The following SHISA6 variants were observed in gnomAD, a reference collection of about 807,000 sequenced individuals.
SHISA6 encodes the protein shisa family member 6.
SHISA6 carries 22 observed loss-of-function variants against 47.9 expected under a neutral mutation model. The observed-to-expected ratio is 0.46, with a 90% CI of 0.33 to 0.66. The LOEUF (loss-of-function observed/expected upper bound fraction) is 0.66. Among genes scored for constraint, SHISA6 ranks in the 30% least tolerant of loss-of-function variants. SHISA6 has a pLI of 0.02. For synonymous variants in SHISA6, 388 were observed against 337.8 expected (o/e 1.15, Z -1.63); for missense variants, 680 against 764.6 (o/e 0.89, Z 1.30).
At chr17:11,276,754 C>T (rs1597435457) in intron 2 of SHISA6, among the ~76,000 whole-genome samples, 1 of 152,106 alleles carries the variant, frequency 6.6e-6, no homozygotes, top group South Asian at 2.1e-4. Flanking sequence ...TCACCACGAC[C>T]ATCATCACCA....
At chr17:11,400,796 A>G (rs1357101629) in intron 3 of SHISA6, among the ~76,000 whole-genome samples, 1 of 152,178 alleles carries the variant, frequency 6.6e-6, no homozygotes, top group East Asian at 1.9e-4. Context: ...CAGAATGCAC[A>G]ATAGTTTTTC....
chr17:11,545,834 T>C (rs1345255372), intron 3 of SHISA6, among the ~76,000 whole-genome samples: 1 of 152,180 alleles, frequency 6.6e-6, no homozygotes, highest in Non-Finnish European at 1.5e-5. Flanking sequence ...CCTTCTCATG[T>C]GGCCTGGATT....
chr17:11,320,845 T>G lies in SHISA6; in HGVS notation c.799+57319T>G, dbSNP rs1597456945. The stretch of plus-strand genomic sequence containing the variant: ...GAGGCAGAGAACTCATGTATGGGTG[T>G]GACATACCTTGTTTTCCAGAGAATC... On this transcript the variant is annotated intron_variant, in intron 2 of 5. Coordinates refer to ENST00000441885, the MANE Select transcript of SHISA6 (RefSeq NM_207386.4). 4.6e-5 allele frequency among the ~76,000 whole-genome samples: 7 copies of G among 152,324 alleles called. No homozygotes were observed. In the East Asian group the frequency reaches 1.4e-3, roughly 29 times the overall value.
intron 2 of SHISA6, among the ~76,000 whole-genome samples, chr17:11,292,943 G>A (rs985856462): frequency 6.6e-6 from 1 of 151,378 alleles, no homozygotes; most frequent in African/African-American, 2.4e-5. Context: ...TCCTGCCTCA[G>A]CCTCCGGAGT....
At chr17:11,340,790 G>T (rs2142212534) in intron 2 of SHISA6, among the ~76,000 whole-genome samples, 1 of 152,334 alleles carries the variant, frequency 6.6e-6, no homozygotes, top group Non-Finnish European at 1.5e-5. Context: ...GTTTCTTGAA[G>T]CACTGAACTA....
chr17:11,330,580 A>G (rs897664380), intron 2 of SHISA6, among the ~76,000 whole-genome samples: 1 of 151,970 alleles, frequency 6.6e-6, no homozygotes, highest in African/African-American at 2.4e-5. Flanking sequence ...AAAATCTACA[A>G]TTTTTGAGGT....
At chr17:11,263,300 C>T in intron 1 of SHISA6, 66 bp from the exon 2 acceptor site, 2 of 1,508,062 alleles carry the variant, frequency 1.3e-6, no homozygotes, top group Non-Finnish European at 1.8e-6. Context: ...GAAAGTAAGC[C>T]AACTCCCCTC....
rs1168877753 is a variant in SHISA6 at position 11,349,018 on chromosome 17, A to G, written c.800-30396A>G. 2.0e-5 allele frequency among the ~76,000 whole-genome samples: 3 copies of G among 152,222 alleles called. No individual in the cohort carries two copies. In the East Asian group the frequency reaches 5.8e-4, roughly 29 times the overall value. On this transcript the variant is annotated intron_variant, in intron 2 of 5. Coordinates refer to ENST00000441885, the MANE Select transcript of SHISA6 (RefSeq NM_207386.4). ...TCCTACAGCTTTGGGGGATTCATAA[A>G]AAAGGAGCTCTGCACCAGGGTACAA...
At chr17:11,467,264 A>G (rs1440964364) in intron 3 of SHISA6, among the ~76,000 whole-genome samples, 2 of 152,148 alleles carry the variant, frequency 1.3e-5, no homozygotes, top group Non-Finnish European at 2.9e-5. Context: ...GGTTATAATG[A>G]TGAACAAGCT....
chr17:11,300,155 A>C (rs866855280), intron 2 of SHISA6, among the ~76,000 whole-genome samples: 11 of 151,038 alleles, frequency 7.3e-5, no homozygotes, highest in Middle Eastern at 3.6e-3. Flanking sequence ...AAAACAAAAA[A>C]AAAAAAAAAA....
chr17:11,274,278 G>C (rs1442057513), intron 2 of SHISA6, among the ~76,000 whole-genome samples: 2 of 152,206 alleles, frequency 1.3e-5, no homozygotes. Flanking sequence ...TACACCCAGG[G>C]AGCCAGAGGA....
rs1483876292 is a variant in SHISA6 at position 11,316,345 on chromosome 17, T to TA, written c.799+52819_799+52820insA. On this transcript the variant is annotated intron_variant, in intron 2 of 5. Coordinates refer to ENST00000441885, the MANE Select transcript of SHISA6 (RefSeq NM_207386.4). ...TTTTCAGGTCTTTTTTTTTTTTTTT[T>TA]TGTATTCAATGGGAATCTCCTTGCA... Among the ~76,000 whole-genome samples, 12 of 150,252 alleles carry TA rather than the reference T, an allele frequency of 8.0e-5. 1 individual carries two copies. Among genetic ancestry groups the TA allele is most frequent in the Admixed American group, 2.6e-4 (4 of 15,100 alleles).
At chr17:11,310,664 A>G (rs139108625) in intron 2 of SHISA6, among the ~76,000 whole-genome samples, 78 of 152,310 alleles carry the variant, frequency 5.1e-4, no homozygotes, top group African/African-American at 1.8e-3. Flanking sequence ...AGACAAGATC[A>G]TATTTATGCT....
At chr17:11,557,575 T>C (rs1294623894) in intron 5 of SHISA6, among the ~76,000 whole-genome samples, 179 bp from the exon 6 acceptor site, 1 of 152,200 alleles carries the variant, frequency 6.6e-6, no homozygotes, top group Non-Finnish European at 1.5e-5. Context: ...GGTTTGCACA[T>C]TCAATGGGAA....
intron 2 of SHISA6, among the ~76,000 whole-genome samples, chr17:11,330,489 G>GGAGA (rs4055800): frequency 0.41 from 60,834 of 147,180 alleles, 12,748 homozygotes; most frequent in South Asian, 0.52. Flanking sequence ...GTAATGCTAG[G>GGAGA]GAGAGAGAGA....
chr17:11,445,686 C>A (rs1915208714), intron 3 of SHISA6, among the ~76,000 whole-genome samples: 1 of 152,144 alleles, frequency 6.6e-6, no homozygotes, highest in African/African-American at 2.4e-5. Flanking sequence ...CTGTCCTTGA[C>A]CATAAGACAG....
chr17:11,331,106 G>A (rs926482239), intron 2 of SHISA6, among the ~76,000 whole-genome samples: 9 of 152,174 alleles, frequency 5.9e-5, no homozygotes, highest in African/African-American at 1.9e-4. Flanking sequence ...AAACATCTGC[G>A]CAGTAACTCT....
At chr17:11,317,790 A>C (rs1266220984) in intron 2 of SHISA6, among the ~76,000 whole-genome samples, 1 of 151,624 alleles carries the variant, frequency 6.6e-6, no homozygotes, top group Non-Finnish European at 1.5e-5. Context: ...AAATTCTATG[A>C]GTGTTTATAT....
At chr17:11,362,981 T>C (rs1234202674) in intron 2 of SHISA6, among the ~76,000 whole-genome samples, 1 of 152,220 alleles carries the variant, frequency 6.6e-6, no homozygotes, top group Non-Finnish European at 1.5e-5. Context: ...ATAAATGTCT[T>C]CAGGCCCACT....
Sources: allele counts gnomAD v4.1 joint callset (sites outside exome capture counted in the v4.1 genomes callset), GRCh38; gene constraint gnomAD v4.1.1; transcripts MANE v1.5; gene names NCBI Gene and HGNC (gene_info 2026-07-23, HGNC 2026-07-21).